SLC14A2: variants seen among roughly 807,000 people sequenced by gnomAD.
SLC14A2 encodes urea transporter 2.
In SLC14A2, 91 loss-of-function variants were observed where a neutral mutation model predicts 104.6. That is an observed-to-expected ratio of 0.87 (90% confidence interval 0.73 to 1.04). The LOEUF (loss-of-function observed/expected upper bound fraction) is 1.04. Ranked by LOEUF, SLC14A2 falls within the 50% of genes least tolerant of loss-of-function variation. The pLI, the probability that SLC14A2 is intolerant of heterozygous loss-of-function variation, is 0.00. For missense variants in SLC14A2, 1,189 were observed against 1,156.0 expected, an observed-to-expected ratio of 1.03 and a Z score of -0.41; for synonymous variants, 476 against 466.4, an observed-to-expected ratio of 1.02 and a Z score of -0.27.
At chr18:45,627,203 G>C in intron 4 of SLC14A2, 56 bp downstream of exon 4, 2 of 1,494,972 alleles carry the variant, frequency 1.3e-6, no homozygotes, top group Non-Finnish European at 1.9e-6. Context: ...AAGTAGAGAG[G>C]TGTTTACTTG....
intron 2 of SLC14A2, among the ~76,000 whole-genome samples, chr18:45,565,127 T>G (rs999856907): frequency 3.5e-5 from 5 of 144,598 alleles, no homozygotes; most frequent in African/African-American, 5.8e-5. Flanking sequence ...TGCATGTGCT[T>G]CTTTTTTTTT....
intron 2 of SLC14A2, among the ~76,000 whole-genome samples, chr18:45,582,205 G>A (rs1289509675): frequency 6.6e-6 from 1 of 152,104 alleles, no homozygotes; most frequent in Non-Finnish European, 1.5e-5. Context: ...GTTCACCATG[G>A]GCACATGGTC....
At chr18:45,296,120 A>G (rs531914828) in intron 1 of SLC14A2, among the ~76,000 whole-genome samples, 1 of 152,292 alleles carries the variant, frequency 6.6e-6, no homozygotes, top group African/African-American at 2.4e-5. Flanking sequence ...GGCTTAATTG[A>G]GCACCAGACA....
intron 1 of SLC14A2, among the ~76,000 whole-genome samples, chr18:45,369,032 A>C (rs1452292293): frequency 2.0e-5 from 3 of 152,184 alleles, no homozygotes; most frequent in African/African-American, 7.2e-5. Flanking sequence ...AGTGTTTTCA[A>C]CCAGTCCACC....
chr18:45,264,871 A>G (rs1173338063), intron 1 of SLC14A2, among the ~76,000 whole-genome samples: 2 of 152,190 alleles, frequency 1.3e-5, no homozygotes, highest in East Asian at 3.9e-4. Context: ...TTTGAAAAAC[A>G]GAAACTTACC....
intron 10 of SLC14A2, among the ~76,000 whole-genome samples, chr18:45,648,182 A>C (rs1392653013): frequency 9.0e-6 from 1 of 111,642 alleles, no homozygotes; most frequent in Non-Finnish European, 1.9e-5. Context: ...TACCCTCTTT[A>C]TTCTAGTTAA....
chr18:45,549,915 GA>G (rs1247372523), intron 2 of SLC14A2: 1 of 152,010 alleles, frequency 6.6e-6, no homozygotes, highest in Admixed American at 6.6e-5. Context: ...CCAAAGTCAT[GA>G]AGGTAATAGA....
At chr18:45,387,961 A>G (rs2085916449) in intron 1 of SLC14A2, among the ~76,000 whole-genome samples, 1 of 151,612 alleles carries the variant, frequency 6.6e-6, no homozygotes, top group African/African-American at 2.4e-5. Flanking sequence ...TTTTGAGGTC[A>G]GGTTATGTGC....
chr18:45,293,970 T>C (rs1200142831), intron 1 of SLC14A2, among the ~76,000 whole-genome samples: 1 of 152,206 alleles, frequency 6.6e-6, no homozygotes. Context: ...ACAGCTTGTT[T>C]TGCAGAATTT....
chr18:45,180,514 T>C, the SLC14A2 span, among the ~76,000 whole-genome samples: 1 of 152,192 alleles, frequency 6.6e-6, no homozygotes, highest in Non-Finnish European at 1.5e-5. Context: ...GTAAATGTAG[T>C]AGCTTAAAAA....
chr18:45,299,586 C>T (rs181681319), intron 1 of SLC14A2, among the ~76,000 whole-genome samples: 81 of 152,296 alleles, frequency 5.3e-4, no homozygotes, highest in Non-Finnish European at 9.8e-4. Context: ...CTCAGTCTCC[C>T]AAGTAGCTGG....
At chr18:45,307,951 T>C (rs2085040503) in intron 1 of SLC14A2, among the ~76,000 whole-genome samples, 1 of 152,104 alleles carries the variant, frequency 6.6e-6, no homozygotes, top group African/African-American at 2.4e-5. Context: ...CTCAGGGAGC[T>C]TCCAATCACG....
chr18:45,491,072 A>G (rs1421180), intron 2 of SLC14A2, among the ~76,000 whole-genome samples: 11,238 of 152,334 alleles, frequency 0.074, 550 homozygotes, highest in East Asian at 0.21. Flanking sequence ...GTAAGGATAT[A>G]CATACCCTAT....
At chr18:45,549,351 G>C (rs980265283) in intron 2 of SLC14A2, among the ~76,000 whole-genome samples, 10 of 152,214 alleles carry the variant, frequency 6.6e-5, no homozygotes, top group Admixed American at 5.2e-4. Context: ...GCATGGCAGG[G>C]CCAGAGCCAG....
intron 1 of SLC14A2, among the ~76,000 whole-genome samples, chr18:45,260,636 A>C (rs111545563): frequency 6.6e-6 from 1 of 152,230 alleles, no homozygotes; most frequent in Non-Finnish European, 1.5e-5. Context: ...GCCATAAAAA[A>C]TAATGAAATC....
intron 2 of SLC14A2, among the ~76,000 whole-genome samples, chr18:45,600,791 T>C (rs1010915547): frequency 2.0e-5 from 3 of 152,140 alleles, no homozygotes; most frequent in African/African-American, 4.8e-5. Context: ...GGACTTCCCT[T>C]ACAAAACGCA....
intron 1 of SLC14A2, among the ~76,000 whole-genome samples, chr18:45,272,425 T>A (rs186423610): frequency 6.6e-6 from 1 of 152,194 alleles, no homozygotes; most frequent in East Asian, 1.9e-4. Flanking sequence ...TCCATCCATG[T>A]TGTTGCAAAT....
intron 1 of SLC14A2, among the ~76,000 whole-genome samples, chr18:45,372,044 G>A (rs761342909): frequency 2.6e-5 from 4 of 152,124 alleles, no homozygotes; most frequent in Non-Finnish European, 5.9e-5. Flanking sequence ...ACACACAGTG[G>A]CTCACGCCTG....
chr18:45,223,611 G>A (rs1037052738), intron 1 of SLC14A2, among the ~76,000 whole-genome samples: 1 of 152,122 alleles, frequency 6.6e-6, no homozygotes, highest in Non-Finnish European at 1.5e-5. Context: ...CCCTCCCCTG[G>A]CTAGGCTTCC....
Sources: allele counts gnomAD v4.1 joint callset (sites outside exome capture counted in the v4.1 genomes callset), GRCh38; gene constraint gnomAD v4.1.1; transcripts MANE v1.5; gene names NCBI Gene and HGNC (gene_info 2026-07-23, HGNC 2026-07-21).